CNTN5: variants seen among roughly 807,000 people sequenced by gnomAD.
CNTN5 encodes the protein contactin-5.
In CNTN5, 77 loss-of-function variants were observed where a neutral mutation model predicts 129.1. That is an observed-to-expected ratio of 0.60 (90% confidence interval 0.50 to 0.72). CNTN5 has a LOEUF of 0.72. Among genes scored for constraint, CNTN5 ranks in the 30% least tolerant of loss-of-function variants. The pLI, the probability that CNTN5 is intolerant of heterozygous loss-of-function variation, is 0.00. For synonymous variants in CNTN5, 509 were observed against 465.6 expected (o/e 1.09, Z -1.20); for missense variants, 1,478 against 1,328.8 (o/e 1.11, Z -1.75).
intron 1 of CNTN5, among the ~76,000 whole-genome samples, chr11:99,039,095 T>C (rs886608649): frequency 1.2e-4 from 19 of 152,134 alleles, no homozygotes; most frequent in African/African-American, 4.1e-4. Flanking sequence ...TATTAAACGA[T>C]TGAAAATTTT....
chr11:99,667,160 G>T (rs1026309369), intron 3 of CNTN5, among the ~76,000 whole-genome samples: 1 of 151,696 alleles, frequency 6.6e-6, no homozygotes, highest in Non-Finnish European at 1.5e-5. Flanking sequence ...AATCATAGTT[G>T]TTTTTTTAAA....
At chr11:99,682,830 A>T (rs1953617495) in intron 3 of CNTN5, among the ~76,000 whole-genome samples, 1 of 151,998 alleles carries the variant, frequency 6.6e-6, no homozygotes, top group Non-Finnish European at 1.5e-5. Context: ...AAAGCATTAG[A>T]TGAGACAAAC....
At chr11:99,805,073 CAA>C (rs1289007258) in intron 3 of CNTN5, among the ~76,000 whole-genome samples, 1 of 151,904 alleles carries the variant, frequency 6.6e-6, no homozygotes, top group Non-Finnish European at 1.5e-5. Flanking sequence ...TAAATTTCGA[CAA>C]AGAGAGTCTT....
Position 100,199,922 on chromosome 11 carries a change from A to G in CNTN5, c.1884+6259A>G, listed in dbSNP as rs181187801. 3.9e-5 allele frequency among the ~76,000 whole-genome samples: 6 copies of G among 152,150 alleles called. No individual in the cohort carries two copies. The South Asian group carries it at 6.2e-4, about 16-fold the overall frequency. ...GCTAGCCAATGCTGTTTCAATAAAAACAAAACCTGATATAAAGCGTTTTCT... is the reference window on the plus strand; with the variant it reads ...GCTAGCCAATGCTGTTTCAATAAAAGCAAAACCTGATATAAAGCGTTTTCT... On this transcript the variant is annotated intron_variant, in intron 15 of 24. Coordinates refer to ENST00000524871, the MANE Select transcript of CNTN5 (RefSeq NM_014361.4).
intron 3 of CNTN5, among the ~76,000 whole-genome samples, chr11:99,737,820 G>C (rs1293891920): frequency 6.6e-6 from 1 of 152,120 alleles, no homozygotes; most frequent in African/African-American, 2.4e-5. Context: ...AACGAGTACA[G>C]TGTTTTACCA....
intron 2 of CNTN5, among the ~76,000 whole-genome samples, chr11:99,328,687 A>G (rs1865880521): frequency 6.6e-6 from 1 of 151,904 alleles, no homozygotes. Context: ...CTTGACCAAC[A>G]TGGAGAAACC....
chr11:100,106,752 T>C (rs1030614838), intron 13 of CNTN5, among the ~76,000 whole-genome samples: 1 of 152,154 alleles, frequency 6.6e-6, no homozygotes, highest in Non-Finnish European at 1.5e-5. Flanking sequence ...TCACTTTAAA[T>C]TGTTTCTGGG....
intron 8 of CNTN5, among the ~76,000 whole-genome samples, chr11:99,977,456 G>C (rs1300444395): frequency 1.3e-5 from 2 of 152,148 alleles, no homozygotes; most frequent in Non-Finnish European, 2.9e-5. Context: ...GCTATGAAGA[G>C]CTACCTGAGA....
intron 18 of CNTN5, among the ~76,000 whole-genome samples, chr11:100,288,058 C>G (rs1950840373): frequency 6.6e-6 from 1 of 152,062 alleles, no homozygotes; most frequent in African/African-American, 2.4e-5. Flanking sequence ...GAAGAGCTAA[C>G]TATCCTAAAT....
At chr11:100,105,580 C>G (rs751274084) in intron 13 of CNTN5, among the ~76,000 whole-genome samples, 3 of 152,156 alleles carry the variant, frequency 2.0e-5, no homozygotes, top group Non-Finnish European at 2.9e-5. Context: ...AGGACCCATA[C>G]GGTAAGATGA....
intron 3 of CNTN5, among the ~76,000 whole-genome samples, chr11:99,662,468 T>G (rs2135920388): frequency 6.6e-6 from 1 of 152,296 alleles, no homozygotes; most frequent in South Asian, 2.1e-4. Context: ...CAGAAATACA[T>G]TTAAAACGTA....
chr11:100,333,506 G>T (rs1951956553), intron 21 of CNTN5, among the ~76,000 whole-genome samples: 1 of 151,062 alleles, frequency 6.6e-6, no homozygotes, highest in Non-Finnish European at 1.5e-5. Context: ...AACAAATCTG[G>T]AGGCATCACA....
At chr11:99,929,314 CTTCTT>C (rs1487211202) in intron 7 of CNTN5, among the ~76,000 whole-genome samples, 2 of 152,114 alleles carry the variant, frequency 1.3e-5, no homozygotes, top group African/African-American at 4.8e-5. Context: ...ATTTTTCTGT[CTTCTT>C]TTCAGCCCTT....
intron 13 of CNTN5, among the ~76,000 whole-genome samples, chr11:100,175,751 A>G (rs1947945283): frequency 1.3e-5 from 2 of 152,238 alleles, no homozygotes; most frequent in South Asian, 4.1e-4. Flanking sequence ...GACCAATAAT[A>G]CTCAACTCAC....
intron 3 of CNTN5, among the ~76,000 whole-genome samples, chr11:99,609,399 T>C (rs1950529266): frequency 6.6e-6 from 1 of 152,176 alleles, no homozygotes; most frequent in South Asian, 2.1e-4. Context: ...CTAGTGGTTA[T>C]GGGTGATACC....
At chr11:100,322,563 C>T (rs1951716386) in intron 21 of CNTN5, among the ~76,000 whole-genome samples, 1 of 152,156 alleles carries the variant, frequency 6.6e-6, no homozygotes, top group Non-Finnish European at 1.5e-5. Flanking sequence ...GAGTACCCCA[C>T]AAGTAATTTA....
chr11:100,293,381 A>G (rs1476790890), intron 18 of CNTN5, among the ~76,000 whole-genome samples: 2 of 151,774 alleles, frequency 1.3e-5, no homozygotes, highest in African/African-American at 4.8e-5. Context: ...GAAACAAACT[A>G]TGGCAAAACT....
intron 6 of CNTN5, 104 bp downstream of exon 6, chr11:99,845,366 CTTTTTTTT>C (rs869305728): frequency 5.8e-5 from 5 of 86,198 alleles, no homozygotes; most frequent in Admixed American, 4.1e-4. Context: ...GATCTCAAAT[CTTTTTTTT>C]TTTTTTTTTT....
intron 3 of CNTN5, among the ~76,000 whole-genome samples, chr11:99,630,242 A>G (rs61911155): frequency 3.2e-4 from 2 of 6,276 alleles, no homozygotes; most frequent in East Asian, 0.038. Flanking sequence ...GTGTGTGTGT[A>G]TATACATATA....
Sources: gnomAD v4.1 joint callset for allele counts (sites outside exome capture counted in the v4.1 genomes callset) on GRCh38, gnomAD v4.1.1 for gene constraint, MANE v1.5 for transcripts, NCBI Gene and HGNC (gene_info 2026-07-23, HGNC 2026-07-21) for gene names.